CCDC30: variants seen among roughly 807,000 people sequenced by gnomAD.
The protein encoded by CCDC30 is coiled-coil domain-containing protein 30.
Under a neutral mutation model 100.2 loss-of-function variants are expected in CCDC30, and 70 were observed. The observed-to-expected ratio is 0.70, with a 90% CI of 0.58 to 0.85. The LOEUF (loss-of-function observed/expected upper bound fraction) is 0.85, where lower values mean the gene tolerates loss of function less well. Ranked by LOEUF, CCDC30 falls within the 40% of genes least tolerant of loss-of-function variation. CCDC30 has a pLI of 0.00. For missense variants in CCDC30, 652 were observed against 771.2 expected, an observed-to-expected ratio of 0.85 and a Z score of 1.83; for synonymous variants, 233 against 269.5, an observed-to-expected ratio of 0.86 and a Z score of 1.33.
intron 6 of CCDC30, among the ~76,000 whole-genome samples, chr1:42,505,482 AT>A (rs1644380697): frequency 6.6e-6 from 1 of 152,166 alleles, no homozygotes; most frequent in Non-Finnish European, 1.5e-5. Context: ...TTGGAGCATA[AT>A]TTTTTTCTCT....
At chr1:42,511,337 G>T (rs11210657) in intron 6 of CCDC30, among the ~76,000 whole-genome samples, 17,186 of 152,136 alleles carry the variant, frequency 0.11, 1,228 homozygotes, top group East Asian at 0.19. Flanking sequence ...TGGATCTCAG[G>T]AAATACTATG....
chr1:42,457,598 C>T, the CCDC30 span: 22 of 506,900 alleles, frequency 4.3e-5, no homozygotes, highest in Admixed American at 2.7e-4. Context: ...GATCATGGGG[C>T]GAGTGAATCC....
chr1:42,586,614 G>A lies in CCDC30; in HGVS notation c.1002-2707G>A, dbSNP rs184794591. On this transcript the variant is annotated intron_variant, in intron 9 of 16. Transcript: ENST00000668663. ...AGTGCCACAGATCCTCATGAGCCAT[G>A]GTGCCCAGCTCTTGTGAGCCACAGT... is the stretch of plus-strand genomic sequence containing the variant. Among the ~76,000 whole-genome samples, 123 of 152,206 alleles carry A rather than the reference G, an allele frequency of 8.1e-4. No individual in the cohort carries two copies. The South Asian group carries it at 9.3e-3, about 12-fold the overall frequency.
chr1:42,579,938 CA>C (rs375950938), intron 8 of CCDC30, among the ~76,000 whole-genome samples: 55 of 140,876 alleles, frequency 3.9e-4, no homozygotes, highest in Non-Finnish European at 6.4e-4. Context: ...CAGCACATCT[CA>C]AAAAAAAAAA....
At chr1:42,557,670 TTAAA>T (rs1217005050) in intron 6 of CCDC30, among the ~76,000 whole-genome samples, 2 of 147,166 alleles carry the variant, frequency 1.4e-5, no homozygotes, top group East Asian at 3.9e-4. Flanking sequence ...ATTAAATATA[TTAAA>T]TAAAATATTT....
At chr1:42,526,591 G>A (rs1644727775) in intron 6 of CCDC30, among the ~76,000 whole-genome samples, 1 of 151,926 alleles carries the variant, frequency 6.6e-6, no homozygotes, top group Non-Finnish European at 1.5e-5. Flanking sequence ...GGATCTCCAA[G>A]GTTTTTGTCC....
intron 10 of CCDC30, among the ~76,000 whole-genome samples, chr1:42,598,757 C>CA (rs1300357881): frequency 1.3e-4 from 19 of 146,240 alleles, no homozygotes; most frequent in South Asian, 2.2e-4. Context: ...GACCCTGTCT[C>CA]AAAAAAAAAA....
chr1:42,556,061 T>A, intron 6 of CCDC30, 95 bp from the exon 10 acceptor site: 1 of 1,235,098 alleles, frequency 8.1e-7, no homozygotes, highest in Non-Finnish European at 1.1e-6. Flanking sequence ...TTGAAAATCT[T>A]GTTTGCAACA....
chr1:42,520,372 C>A (rs1171539737), intron 6 of CCDC30, among the ~76,000 whole-genome samples: 1 of 151,058 alleles, frequency 6.6e-6, no homozygotes, highest in African/African-American at 2.4e-5. Context: ...CACTCTGTTG[C>A]CCAGGTTGGA....
rs145663134 is a variant in CCDC30, at chr1:42,635,378, T to C, written c.1278-1859T>C. On this transcript the variant is annotated intron_variant, in intron 11 of 16. Coordinates refer to ENST00000668663, the Ensembl canonical transcript of CCDC30. ...CCCTATTTGTTTATCCACTCATCAG[T>C]TGATGGCAATCTGGGTTGTTTCCAC... Among the ~76,000 whole-genome samples the C allele has an allele frequency of 6.0e-4, 92 of 152,274 alleles. 1 individual carries two copies. In the East Asian group the frequency reaches 0.013, roughly 22 times the overall value.
chr1:42,512,233 C>T (rs1644489211), intron 6 of CCDC30, among the ~76,000 whole-genome samples: 1 of 152,186 alleles, frequency 6.6e-6, no homozygotes, highest in African/African-American at 2.4e-5. Flanking sequence ...CGACAACCTT[C>T]CAGTGTGGGC....
intron 6 of CCDC30, among the ~76,000 whole-genome samples, chr1:42,552,568 A>T (rs1645274184): frequency 2.0e-5 from 3 of 152,088 alleles, no homozygotes; most frequent in Non-Finnish European, 4.4e-5. Flanking sequence ...TGGATTTTCC[A>T]TTTTTTAAAT....
At chr1:42,579,782 A>G (rs1645923782) in intron 8 of CCDC30, among the ~76,000 whole-genome samples, 1 of 151,968 alleles carries the variant, frequency 6.6e-6, no homozygotes, top group Non-Finnish European at 1.5e-5. Context: ...GCATCACTTG[A>G]ACCCAAAGTT....
intron 6 of CCDC30, chr1:42,542,788 C>A (rs1645040574): frequency 8.8e-6 from 1 of 113,470 alleles, no homozygotes; most frequent in South Asian, 2.7e-4. Flanking sequence ...CTCCTGACCT[C>A]ATGATCCACC....
intron 3 of CCDC30, among the ~76,000 whole-genome samples, chr1:42,487,195 T>C (rs1032293032): frequency 6.6e-6 from 1 of 151,832 alleles, no homozygotes; most frequent in African/African-American, 2.4e-5. Flanking sequence ...TAAGTGCATA[T>C]GATTTTCTTA....
At chr1:42,556,296 C>T in intron 6 of CCDC30, 2 of 1,613,942 alleles carry the variant, frequency 1.2e-6, no homozygotes, top group Non-Finnish European at 1.7e-6. Flanking sequence ...CAGCAGTTAA[C>T]CATGAAGCCT....
intron 1 of CCDC30, among the ~76,000 whole-genome samples, chr1:42,464,959 T>G (rs1039122794): frequency 1.3e-5 from 2 of 152,180 alleles, no homozygotes; most frequent in Non-Finnish European, 2.9e-5. Context: ...AAAAACAAGT[T>G]CTGCAGCCTT....
At chr1:42,466,161 AC>A (rs1279535706) in intron 1 of CCDC30, among the ~76,000 whole-genome samples, 2 of 152,208 alleles carry the variant, frequency 1.3e-5, no homozygotes, top group Non-Finnish European at 2.9e-5. Flanking sequence ...GTGAAAAGTC[AC>A]CTGACAGCAT....
intron 6 of CCDC30, among the ~76,000 whole-genome samples, chr1:42,531,800 C>T (rs1644810101): frequency 6.6e-6 from 1 of 152,054 alleles, no homozygotes; most frequent in South Asian, 2.1e-4. Flanking sequence ...CTCCAAAGAA[C>T]CCTGTCAAAT....
Sources: gnomAD v4.1 joint callset for allele counts (sites outside exome capture counted in the v4.1 genomes callset) on GRCh38, gnomAD v4.1.1 for gene constraint, MANE v1.5 for transcripts, NCBI Gene and HGNC (gene_info 2026-07-23, HGNC 2026-07-21) for gene names.